SEMA6D: variants seen among roughly 807,000 people sequenced by gnomAD.
SEMA6D encodes semaphorin-6D.
A neutral mutation model predicts 106.6 loss-of-function variants in SEMA6D; 35 were observed. That is an observed-to-expected ratio of 0.33 (90% CI 0.25 to 0.44). The LOEUF (loss-of-function observed/expected upper bound fraction) is 0.44, where lower values mean the gene tolerates loss of function less well. Ranked by LOEUF, SEMA6D falls within the 20% of genes least tolerant of loss-of-function variation. The probability of loss-of-function intolerance (pLI) is 1.00; values close to 1 mark genes in which losing one functional copy is unlikely to be tolerated. For missense variants in SEMA6D, 1,185 were observed against 1,345.9 expected (o/e 0.88, Z 1.87); for synonymous variants, 499 against 487.7 (o/e 1.02, Z -0.31).
chr15:47,655,175 G>T (rs2077767865), intron 4 of SEMA6D, among the ~76,000 whole-genome samples: 1 of 152,170 alleles, frequency 6.6e-6, no homozygotes, highest in Non-Finnish European at 1.5e-5. Flanking sequence ...TTTCTTGAAT[G>T]GTTTCTACAT....
chr15:47,407,394 C>CAAAAAA (rs1567058099), intron 1 of SEMA6D, among the ~76,000 whole-genome samples: 1 of 83,556 alleles, frequency 1.2e-5, no homozygotes, highest in Non-Finnish European at 2.8e-5. Context: ...AAAACCAAAA[C>CAAAAAA]AACAACAACA....
At chr15:47,446,166 C>G (rs896362542) in intron 2 of SEMA6D, among the ~76,000 whole-genome samples, 10 of 152,164 alleles carry the variant, frequency 6.6e-5, no homozygotes, top group African/African-American at 2.4e-4. Context: ...TTCCTCCAGA[C>G]AGCCTGACCC....
At chr15:47,562,082 G>A (rs2046097110) in intron 3 of SEMA6D, among the ~76,000 whole-genome samples, 1 of 151,946 alleles carries the variant, frequency 6.6e-6, no homozygotes, top group South Asian at 2.1e-4. Context: ...AGTTGATATA[G>A]TCATAAAAAC....
intron 3 of SEMA6D, among the ~76,000 whole-genome samples, chr15:47,588,701 G>A (rs2076385624): frequency 6.6e-6 from 1 of 152,148 alleles, no homozygotes; most frequent in South Asian, 2.1e-4. Flanking sequence ...TAAAGTCCCT[G>A]GAAGAATTTA....
intron 1 of SEMA6D, among the ~76,000 whole-genome samples, chr15:47,376,706 C>T (rs934090857): frequency 1.3e-5 from 2 of 152,170 alleles, no homozygotes; most frequent in Non-Finnish European, 2.9e-5. Flanking sequence ...TTAGGTTACA[C>T]GTTACTGTAG....
intron 3 of SEMA6D, among the ~76,000 whole-genome samples, chr15:47,476,039 G>T (rs1327478125): frequency 6.6e-6 from 1 of 152,178 alleles, no homozygotes; most frequent in Non-Finnish European, 1.5e-5. Flanking sequence ...TGCCACAGGG[G>T]AGGGACATTT....
intron 4 of SEMA6D, among the ~76,000 whole-genome samples, chr15:47,667,856 A>G (rs1398864241): frequency 6.6e-6 from 1 of 152,176 alleles, no homozygotes; most frequent in East Asian, 1.9e-4. Flanking sequence ...ACCTGTGAGA[A>G]CCCAGATAGC....
chr15:47,730,211 G>A, intron 1 of SEMA6D: 2 of 1,545,062 alleles, frequency 1.3e-6, no homozygotes, highest in South Asian at 2.2e-5. Context: ...CACAGACTTA[G>A]GATCCAGGAC....
intron 2 of SEMA6D, among the ~76,000 whole-genome samples, chr15:47,448,796 A>G (rs1217184840): frequency 6.6e-6 from 1 of 152,074 alleles, no homozygotes; most frequent in East Asian, 1.9e-4. Context: ...TTCCAATGAG[A>G]GGACTCGGTC....
At chr15:47,335,390 G>A (rs1185445244) in intron 1 of SEMA6D, among the ~76,000 whole-genome samples, 1 of 152,120 alleles carries the variant, frequency 6.6e-6, no homozygotes, top group East Asian at 1.9e-4. Flanking sequence ...AGCAGCCAGT[G>A]TAGTGAACTG....
intron 4 of SEMA6D, among the ~76,000 whole-genome samples, chr15:47,605,027 G>C (rs1316293587): frequency 6.6e-6 from 1 of 152,140 alleles, no homozygotes; most frequent in Non-Finnish European, 1.5e-5. Context: ...GTTATCTACT[G>C]CTGTGTAACC....
chr15:47,254,878 TGTGTGTG>T (rs2033716875), intron 1 of SEMA6D, among the ~76,000 whole-genome samples: 5 of 135,102 alleles, frequency 3.7e-5, no homozygotes, highest in African/African-American at 1.4e-4. Context: ...TGTGGTTTTG[TGTGTGTG>T]TGTGTGTGTG....
At chr15:47,765,611 G>A (rs1166284737) in intron 13 of SEMA6D, 4 of 533,068 alleles carry the variant, frequency 7.5e-6, no homozygotes, top group Admixed American at 8.9e-5. Context: ...ATAGTCAAAT[G>A]TGGCCTTCGC....
chr15:47,688,198 T>G (rs1333632123), intron 4 of SEMA6D, among the ~76,000 whole-genome samples: 2 of 152,160 alleles, frequency 1.3e-5, no homozygotes, highest in African/African-American at 4.8e-5. Context: ...ATAGTATGTG[T>G]TAACCCAGAA....
intron 1 of SEMA6D, among the ~76,000 whole-genome samples, chr15:47,361,977 A>G (rs773896473): frequency 6.6e-6 from 1 of 152,272 alleles, no homozygotes; most frequent in Non-Finnish European, 1.5e-5. Flanking sequence ...ATTTAAAAAC[A>G]TTAAAACAAA....
intron 3 of SEMA6D, among the ~76,000 whole-genome samples, chr15:47,507,688 C>T (rs2141715073): frequency 6.6e-6 from 1 of 152,300 alleles, no homozygotes; most frequent in South Asian, 2.1e-4. Flanking sequence ...CACCATATGT[C>T]ATACTGTAGC....
chr15:47,421,358 G>T (rs2041149121), intron 2 of SEMA6D, among the ~76,000 whole-genome samples: 1 of 152,120 alleles, frequency 6.6e-6, no homozygotes, highest in Non-Finnish European at 1.5e-5. Context: ...GAAGACATCA[G>T]TGAAGTGCTA....
chr15:47,672,239 G>A (rs1358658460), intron 4 of SEMA6D, among the ~76,000 whole-genome samples: 1 of 152,178 alleles, frequency 6.6e-6, no homozygotes, highest in Non-Finnish European at 1.5e-5. Flanking sequence ...ATACCACTGT[G>A]CTTTCCTGCT....
intron 3 of SEMA6D, among the ~76,000 whole-genome samples, chr15:47,503,179 A>G (rs1478487403): frequency 2.6e-5 from 4 of 152,164 alleles, no homozygotes; most frequent in Admixed American, 6.5e-5. Context: ...ATTGTGATGA[A>G]TTCTGAGATA....
Sources: gnomAD v4.1 joint callset for allele counts (sites outside exome capture counted in the v4.1 genomes callset) on GRCh38, gnomAD v4.1.1 for gene constraint, MANE v1.5 for transcripts, NCBI Gene and HGNC (gene_info 2026-07-23, HGNC 2026-07-21) for gene names.